Variants in SLC19A3 observed in about 807,000 individuals in gnomAD.
SLC19A3 encodes the protein solute carrier family 19 member 3, also known as thiamine transporter 2.
SLC19A3 carries 31 observed loss-of-function variants against 40.2 expected under a neutral mutation model. That is an observed-to-expected ratio of 0.77 (90% confidence interval 0.58 to 1.04). The LOEUF (loss-of-function observed/expected upper bound fraction) is 1.04, where lower values mean the gene tolerates loss of function less well. Among genes scored for constraint, SLC19A3 ranks in the 50% least tolerant of loss-of-function variants. SLC19A3 has a pLI of 0.00. For missense variants in SLC19A3, 592 were observed against 596.7 expected (o/e 0.99, Z 0.08); for synonymous variants, 212 against 227.5 (o/e 0.93, Z 0.61).
Position 227,695,981 on chromosome 2 carries a change from T to TA in SLC19A3, c.1079dup (p.Leu360PhefsTer38), listed in dbSNP as rs1559247315. The TA allele has an allele frequency of 1.9e-6, 3 of 1,613,876 alleles. No individual in the cohort carries two copies. The highest frequency in any genetic ancestry group is 8.5e-7 in the Non-Finnish European group (1 of 1,180,022). On this transcript the variant is annotated frameshift_variant, in exon 4 of 6. Transcript: ENST00000644224. LOFTEE classifies it high-confidence loss of function. ...TATTGGCTGTGTAATGCATGAGAAATAAAGAACCGGCATTGACAACTGAGA... is the reference window on the plus strand; with the variant it reads ...TATTGGCTGTGTAATGCATGAGAAATAAAAGAACCGGCATTGACAACTGAGA...
intron 1 of SLC19A3, among the ~76,000 whole-genome samples, chr2:227,705,132 C>T (rs1476203261): frequency 6.6e-6 from 1 of 152,086 alleles, no homozygotes; most frequent in Non-Finnish European, 1.5e-5. Context: ...CCCGCCTCAG[C>T]CTCCCAAAGT....
intron 1 of SLC19A3, among the ~76,000 whole-genome samples, chr2:227,707,312 C>T (rs1432758145): frequency 3.3e-5 from 5 of 152,162 alleles, no homozygotes; most frequent in African/African-American, 1.2e-4. Flanking sequence ...CAGCCAGGCG[C>T]GGTGGCTTAT....
In SLC19A3 at chr2:227,711,422, A is replaced by AAAAAAT. The variant is rs1553575206; in HGVS notation, c.-3+6520_-3+6521insATTTTT. On this transcript the variant is annotated intron_variant, in intron 1 of 5. Coordinates refer to ENST00000644224, the MANE Select transcript of SLC19A3 (RefSeq NM_025243.4). ...GTGACAGAGCGAGACTCTGTCTCAA[A>AAAAAAT]AAAATAAAATAAAATAAAATAAAAT... Among the ~76,000 whole-genome samples the AAAAAAT allele has an allele frequency of 3.7e-4, 53 of 143,754 alleles. 2 individuals carry two copies. In the South Asian group the frequency reaches 6.3e-3, roughly 17 times the overall value. The allele number at this position is 143,754 out of a possible 152,430, so 94.3% of individuals were successfully genotyped here.
intron 1 of SLC19A3, among the ~76,000 whole-genome samples, chr2:227,707,789 G>A (rs895786871): frequency 1.3e-5 from 2 of 152,088 alleles, no homozygotes; most frequent in African/African-American, 4.8e-5. Flanking sequence ...GTCCAGTGGT[G>A]CAATTTCAGC....
rs765236061 is a variant in SLC19A3, at chr2:227,699,544, G to C, written c.171C>G (p.Pro57=). The C allele has an allele frequency of 6.2e-7, 1 of 1,614,098 alleles. No homozygotes were observed. The stretch of plus-strand genomic sequence containing the variant: ...GCACCAGGTAGGAGTATGTCCAAAC[G>C]GGGAAGATCTCATTTGTTATCTGCA... ...TSAEITNEIF[P]VWTYSYLVLL... The change falls in exon 3 of 6, where the codon CCC becomes CCG. Residue 57 remains proline (P), a synonymous_variant. Transcript: ENST00000644224.
rs539318868 is a variant in SLC19A3 at position 227,691,144 on chromosome 2, G to A, written c.1173-2837C>T. 2.6e-5 allele frequency among the ~76,000 whole-genome samples: 4 copies of A among 152,214 alleles called. No homozygotes were observed. In the South Asian group the frequency reaches 8.3e-4, roughly 32 times the overall value. ...ATTTTGGAAACCATAGAAACACATG[G>A]AAATTAAACAATATGCCCCTGAATG... On this transcript the variant is annotated intron_variant, in intron 4 of 5. Coordinates refer to ENST00000644224, the MANE Select transcript of SLC19A3 (RefSeq NM_025243.4).
chr2:227,702,150 T>C lies in SLC19A3; in HGVS notation c.150+19A>G, dbSNP rs1369870143. 13 of 1,602,176 alleles carry C rather than the reference T, an allele frequency of 8.1e-6. No homozygotes were observed. Among genetic ancestry groups the C allele is most frequent in the South Asian group, 7.7e-5 (7 of 90,742 alleles). On this transcript the variant is annotated intron_variant, in intron 2 of 5. Coordinates refer to ENST00000644224, the MANE Select transcript of SLC19A3 (RefSeq NM_025243.4). ...AAATTTAAAAAACCACATTAAGATA[T>C]GTATGTATGTTAACTTACCTCTGCA...
At position 227,698,843 on chromosome 2, in the gene SLC19A3, C is replaced by A; in HGVS notation, c.872G>T (p.Gly291Val). 6.2e-7 allele frequency: 1 copy of A among 1,614,198 alleles called. No individual in the cohort carries two copies. Among genetic ancestry groups the A allele is most frequent in the Non-Finnish European group, 8.5e-7 (1 of 1,180,044 alleles). ...WSLWWAFATA[G>V]FNQVLNYVQI... ...AACATAGTTCAAAACCTGGTTAAAA[C>A]CTGCTGTGGCGAAAGCCCACCATAG... Residue 291 changes from glycine to valine, a missense_variant, in exon 3 of 6, where the codon GGT (glycine) becomes GTT (valine). Coordinates refer to ENST00000644224, the MANE Select transcript of SLC19A3 (RefSeq NM_025243.4).
At chr2:227,709,010 G>A (rs975384817) in intron 1 of SLC19A3, among the ~76,000 whole-genome samples, 4 of 152,152 alleles carry the variant, frequency 2.6e-5, no homozygotes, top group Admixed American at 2.6e-4. Context: ...GAATCATATT[G>A]GATCTAAGCT....
rs1694943332 is a variant in SLC19A3 at position 227,684,266 on chromosome 2, T to G, written c.*3131A>C. On this transcript the variant is annotated 3_prime_UTR_variant, in exon 6 of 6. Transcript: ENST00000644224. ...TCTGTGTCACTAAAGATCTTCCTCA[T>G]TTTTTAGCAGTTAATTTTGTTATAG... is the stretch of plus-strand genomic sequence containing the variant. 6.6e-6 allele frequency: 1 copy of G among 152,166 alleles called. No individual in the cohort carries two copies. The highest frequency in any genetic ancestry group is 2.4e-5 in the African/African-American group (1 of 41,448). The allele number at this position is 152,166 out of a possible 1,614,324, so 9.4% of individuals were successfully genotyped here.
At chr2:227,712,060 A>G (rs977502171) in intron 1 of SLC19A3, among the ~76,000 whole-genome samples, 12 of 147,414 alleles carry the variant, frequency 8.1e-5, no homozygotes, top group Admixed American at 6.8e-4. Flanking sequence ...CAAAAAAAAA[A>G]AAAAAAAAAA....
At chr2:227,708,944 C>T (rs939437912) in intron 1 of SLC19A3, among the ~76,000 whole-genome samples, 1 of 152,152 alleles carries the variant, frequency 6.6e-6, no homozygotes, top group Non-Finnish European at 1.5e-5. Flanking sequence ...CGGATTAAGA[C>T]CTTTCCATAG....
intron 1 of SLC19A3, chr2:227,706,435 C>G: frequency 8.1e-7 from 1 of 1,230,466 alleles, no homozygotes; most frequent in Non-Finnish European, 1.0e-6. Context: ...AGCTCTATCA[C>G]TTTTTAAAAA....
Position 227,699,535 on chromosome 2 carries a change from T to C in SLC19A3, c.180A>G (p.Thr60=), listed in dbSNP as rs772028498. 5 of 1,614,186 alleles carry C rather than the reference T, an allele frequency of 3.1e-6. No individual in the cohort carries two copies. The highest frequency in any genetic ancestry group is 1.1e-5 in the South Asian group (1 of 91,084). The part of the protein sequence containing the change: ...EITNEIFPVW[T]YSYLVLLLPV... The stretch of plus-strand genomic sequence containing the variant: ...GCAGCAGCAGCACCAGGTAGGAGTA[T>C]GTCCAAACGGGGAAGATCTCATTTG... Residue 60 remains threonine (T), a synonymous_variant, in exon 3 of 6, where the codon ACA becomes ACG. Transcript: ENST00000644224.
Position 227,684,960 on chromosome 2 carries a change from G to A in SLC19A3, c.*2437C>T, listed in dbSNP as rs1055519954. 9.2e-6 allele frequency: 1 copy of A among 108,536 alleles called. No individual in the cohort carries two copies. The highest frequency in any genetic ancestry group is 1.7e-5 in the Non-Finnish European group (1 of 57,842). The allele number at this position is 108,536 out of a possible 1,614,324, so 6.7% of individuals were successfully genotyped here. On this transcript the variant is annotated 3_prime_UTR_variant, in exon 6 of 6. Coordinates refer to ENST00000644224, the MANE Select transcript of SLC19A3 (RefSeq NM_025243.4). Reference sequence around the variant, plus strand: ...ATTGCGTCATTGCACTCCAGCCTGGGTGACAGAGCAAGATTCTATCAAAAA... The same window carrying A: ...ATTGCGTCATTGCACTCCAGCCTGGATGACAGAGCAAGATTCTATCAAAAA...
At chr2:227,688,508 T>C (rs1158496090) in intron 4 of SLC19A3, among the ~76,000 whole-genome samples, 1 of 152,196 alleles carries the variant, frequency 6.6e-6, no homozygotes, top group African/African-American at 2.4e-5. Flanking sequence ...AGAATTCTTC[T>C]GGATCTTATC....
At chr2:227,716,884 G>C (rs911733066) in intron 1 of SLC19A3, among the ~76,000 whole-genome samples, 3 of 151,612 alleles carry the variant, frequency 2.0e-5, no homozygotes, top group Admixed American at 6.6e-5. Flanking sequence ...AGATATTTGG[G>C]AAGTTATGTT....
In SLC19A3 at chr2:227,698,920, C is replaced by T; in HGVS notation, c.795G>A (p.Trp265Ter). 1 of 1,614,050 alleles carries T rather than the reference C, an allele frequency of 6.2e-7. No homozygotes were observed. Among genetic ancestry groups the T allele is most frequent in the Non-Finnish European group, 8.5e-7 (1 of 1,179,982 alleles). The change falls in exon 3 of 6, where the codon TGG becomes TGA. Residue 265 changes from tryptophan to a stop codon, truncating the protein, a stop_gained. Coordinates refer to ENST00000644224, the MANE Select transcript of SLC19A3 (RefSeq NM_025243.4). LOFTEE classifies it high-confidence loss of function. ...AGTAGCACTCCTTCAAATCTTGGAA[C>T]CACTGCACAAAAACGTCCACAGTCA... is the stretch of plus-strand genomic sequence containing the variant. ...SNVTVDVFVQ[W>*]FQDLKECYSS...
At chr2:227,706,378 C>G in intron 1 of SLC19A3, 3 of 1,231,526 alleles carry the variant, frequency 2.4e-6, no homozygotes, top group Non-Finnish European at 3.0e-6. Context: ...ACAAGATAGT[C>G]CTTTTAAAAG....
Sources: allele counts gnomAD v4.1 joint callset (sites outside exome capture counted in the v4.1 genomes callset), GRCh38; gene constraint gnomAD v4.1.1; transcripts MANE v1.5; gene names NCBI Gene and HGNC (gene_info 2026-07-23, HGNC 2026-07-21).